The following LIMCH1 variants were observed in gnomAD, a reference collection of about 807,000 sequenced individuals.
LIMCH1 encodes the protein LIM and calponin homology domains-containing protein 1.
A neutral mutation model predicts 176.5 loss-of-function variants in LIMCH1; 113 were observed. The observed-to-expected ratio is 0.64, with a 90% confidence interval of 0.55 to 0.75. LIMCH1 has a LOEUF of 0.75. Among genes scored for constraint, LIMCH1 ranks in the 30% least tolerant of loss-of-function variants. The probability of loss-of-function intolerance (pLI) is 0.00; values close to 1 mark genes in which losing one functional copy is unlikely to be tolerated. For missense variants in LIMCH1, 1,674 were observed against 1,814.9 expected, an observed-to-expected ratio of 0.92 and a Z score of 1.41; for synonymous variants, 619 against 645.9, an observed-to-expected ratio of 0.96 and a Z score of 0.63.
chr4:41,586,005 TTTCTCTTCTC>T (rs71198670), intron 1 of LIMCH1, among the ~76,000 whole-genome samples: 4 of 148,226 alleles, frequency 2.7e-5, no homozygotes, highest in Non-Finnish European at 5.9e-5. Context: ...TCTGTCTTCT[TTTCTCTTCTC>T]TTCTCTTCTC....
chr4:41,416,530 C>T (rs996976485), intron 1 of LIMCH1, among the ~76,000 whole-genome samples: 8 of 151,656 alleles, frequency 5.3e-5, no homozygotes, highest in African/African-American at 1.9e-4. Flanking sequence ...TGGTAGCGGG[C>T]GCCTGTAATC....
chr4:41,531,697 G>A (rs558364994), intron 3 of LIMCH1, among the ~76,000 whole-genome samples: 1 of 152,248 alleles, frequency 6.6e-6, no homozygotes, highest in South Asian at 2.1e-4. Flanking sequence ...TTTTGCCCCT[G>A]ATTCTGATTC....
intron 3 of LIMCH1, chr4:41,604,372 C>T (rs186874832): frequency 3.8e-4 from 88 of 228,820 alleles, no homozygotes; most frequent in Non-Finnish European, 5.7e-4. Context: ...TAGTACTTGC[C>T]CAAATGAACT....
rs558698362 is a variant in LIMCH1 at position 41,565,388 on chromosome 4, C to T, written c.-241+27038C>T. 4.7e-4 allele frequency among the ~76,000 whole-genome samples: 68 copies of T among 145,704 alleles called. No homozygotes were observed. In the South Asian group the frequency reaches 5.3e-3, roughly 11 times the overall value. The stretch of plus-strand genomic sequence containing the variant: ...ACACACACACACACACACACATACA[C>T]ACACACACAGACACACACACACACA... On this transcript the variant is annotated intron_variant, in intron 1 of 31. Transcript: ENST00000503057.
At chr4:41,602,526 T>A (rs916238402) in intron 2 of LIMCH1, among the ~76,000 whole-genome samples, 10 of 152,222 alleles carry the variant, frequency 6.6e-5, no homozygotes, top group Non-Finnish European at 1.2e-4. Flanking sequence ...AAATCTTTTA[T>A]AGATTTTTAA....
chr4:41,454,269 TA>T (rs1561422639), intron 1 of LIMCH1, among the ~76,000 whole-genome samples: 1 of 152,236 alleles, frequency 6.6e-6, no homozygotes, highest in Non-Finnish European at 1.5e-5. Flanking sequence ...AGGGAATGCG[TA>T]AATTAAACAG....
rs557190075 is a variant in LIMCH1, at chr4:41,594,337, T to C, written c.-240-4583T>C. ...ATGTATGGGTTTGTTAGCTCCACGATAGTAAGAGCTAAATATATAGCCATT... is the reference window on the plus strand; with the variant it reads ...ATGTATGGGTTTGTTAGCTCCACGACAGTAAGAGCTAAATATATAGCCATT... On this transcript the variant is annotated intron_variant, in intron 1 of 31. Coordinates refer to ENST00000503057, the MANE Select transcript of LIMCH1 (RefSeq NM_001330672.2). Among the ~76,000 whole-genome samples, 12 of 152,350 alleles carry C rather than the reference T, an allele frequency of 7.9e-5. No individual in the cohort carries two copies. The South Asian group carries it at 8.3e-4, about 11-fold the overall frequency.
At chr4:41,566,477 T>A (rs1269617893) in intron 1 of LIMCH1, among the ~76,000 whole-genome samples, 1 of 152,058 alleles carries the variant, frequency 6.6e-6, no homozygotes, top group Non-Finnish European at 1.5e-5. Flanking sequence ...GGGGAAGAGA[T>A]AGGCCTGGGG....
chr4:41,500,799 C>T (rs1196745278), intron 2 of LIMCH1, among the ~76,000 whole-genome samples: 2 of 152,006 alleles, frequency 1.3e-5, no homozygotes, highest in Admixed American at 6.6e-5. Flanking sequence ...CCTGGTAGTC[C>T]CACTTGGGTT....
At chr4:41,641,353 C>A (rs2093814646) in intron 14 of LIMCH1, among the ~76,000 whole-genome samples, 1 of 152,044 alleles carries the variant, frequency 6.6e-6, no homozygotes, top group Non-Finnish European at 1.5e-5. Context: ...AGCCCATTTT[C>A]TTTCTAGTAT....
upstream of LIMCH1, among the ~76,000 whole-genome samples, chr4:41,535,682 A>G (rs2077843431): frequency 6.6e-6 from 1 of 152,170 alleles, no homozygotes; most frequent in Non-Finnish European, 1.5e-5. Context: ...TTAGCTCGTA[A>G]CAGTGGGTTA....
intron 21 of LIMCH1, among the ~76,000 whole-genome samples, chr4:41,667,808 T>C (rs1289952117): frequency 6.6e-6 from 1 of 152,050 alleles, no homozygotes; most frequent in Non-Finnish European, 1.5e-5. Context: ...ACTAGACCGC[T>C]GAGTTTTACT....
intron 1 of LIMCH1, among the ~76,000 whole-genome samples, chr4:41,367,610 G>A (rs1339013877): frequency 6.7e-6 from 1 of 148,452 alleles, no homozygotes; most frequent in Non-Finnish European, 1.5e-5. Context: ...GGAGGCCAAG[G>A]CTGGTGGATC....
intron 1 of LIMCH1, among the ~76,000 whole-genome samples, chr4:41,427,808 C>T (rs897438694): frequency 1.3e-5 from 2 of 152,208 alleles, no homozygotes; most frequent in South Asian, 4.2e-4. Flanking sequence ...CACATGAGTT[C>T]CCTAGTTAAA....
intron 1 of LIMCH1, among the ~76,000 whole-genome samples, chr4:41,416,222 A>G (rs2059924584): frequency 6.6e-6 from 1 of 152,204 alleles, no homozygotes; most frequent in African/African-American, 2.4e-5. Context: ...TGTGAGCTCA[A>G]ATGAATAAAT....
chr4:41,646,640 C>G lies in LIMCH1; in HGVS notation c.2567C>G (p.Ser856Ter). 2 of 1,614,210 alleles carry G rather than the reference C, an allele frequency of 1.2e-6. No homozygotes were observed. The highest frequency in any genetic ancestry group is 1.7e-6 in the Non-Finnish European group (2 of 1,180,040). Residue 856 changes from serine to a stop codon, truncating the protein, a stop_gained, in exon 17 of 32, where the codon TCA becomes TGA. Coordinates refer to ENST00000503057, the MANE Select transcript of LIMCH1 (RefSeq NM_001330672.2). LOFTEE classifies it high-confidence loss of function. ...EMPKILERSH[S>*]TEPNLSSFLN... is the part of the protein sequence containing the mutation. ...CCAAAAATTCTGGAAAGAAGCCATT[C>G]AACAGAGCCAAATTTATCCTCCTTC...
At chr4:41,486,714 G>T (rs763723272) in intron 1 of LIMCH1, among the ~76,000 whole-genome samples, 1 of 152,086 alleles carries the variant, frequency 6.6e-6, no homozygotes, top group South Asian at 2.1e-4. Flanking sequence ...TAAGATGCCA[G>T]TTATGATTTA....
chr4:41,621,760 G>A (rs1358870041), intron 7 of LIMCH1, among the ~76,000 whole-genome samples: 1 of 151,758 alleles, frequency 6.6e-6, no homozygotes, highest in East Asian at 1.9e-4. Flanking sequence ...AAGTCCAGAA[G>A]TGGGAGCTGA....
chr4:41,447,099 A>G (rs2063361660), intron 1 of LIMCH1, among the ~76,000 whole-genome samples: 1 of 152,130 alleles, frequency 6.6e-6, no homozygotes, highest in Non-Finnish European at 1.5e-5. Flanking sequence ...GCATGGTGGC[A>G]TGTGCCTGTA....
Sources: allele counts gnomAD v4.1 joint callset (sites outside exome capture counted in the v4.1 genomes callset), GRCh38; gene constraint gnomAD v4.1.1; transcripts MANE v1.5; gene names NCBI Gene and HGNC (gene_info 2026-07-23, HGNC 2026-07-21).